The following SASS6 variants were observed in gnomAD, a reference collection of about 807,000 sequenced individuals.
SASS6 encodes spindle assembly abnormal protein 6 homolog.
SASS6 carries 59 observed loss-of-function variants against 94.9 expected under a neutral mutation model. The ratio of observed to expected loss-of-function variants is 0.62; its 90% CI spans 0.50 to 0.77. SASS6 has a LOEUF of 0.77. SASS6 is among the 30% of genes least tolerant of loss of function. The pLI, the probability that SASS6 is intolerant of heterozygous loss-of-function variation, is 0.00. For synonymous variants in SASS6, 264 were observed against 270.0 expected (o/e 0.98, Z 0.22); for missense variants, 698 against 734.1 (o/e 0.95, Z 0.57).
chr1:100,128,012 C>G (rs1654747843), intron 1 of SASS6, among the ~76,000 whole-genome samples: 1 of 151,776 alleles, frequency 6.6e-6, no homozygotes, highest in Admixed American at 6.6e-5. Flanking sequence ...TGGTGCTTTA[C>G]AGTTTATTTT....
chr1:100,120,495 A>G (rs757053881), intron 5 of SASS6, 36 bp from the exon 6 acceptor site: 1 of 937,128 alleles, frequency 1.1e-6, no homozygotes, highest in Admixed American at 1.7e-5. Context: ...ACAGTTTACA[A>G]TGTAATCATC....
intron 1 of SASS6, among the ~76,000 whole-genome samples, chr1:100,126,440 T>C (rs1028781964): frequency 6.6e-6 from 1 of 152,344 alleles, no homozygotes; most frequent in South Asian, 2.1e-4. Context: ...AATTACCATG[T>C]CATGTAATCA....
intron 2 of SASS6, among the ~76,000 whole-genome samples, chr1:100,124,670 T>C (rs1217997632): frequency 6.6e-6 from 1 of 152,226 alleles, no homozygotes; most frequent in Admixed American, 6.5e-5. Flanking sequence ...TGTGAGGCAC[T>C]GCCCTTGGCA....
intron 7 of SASS6, among the ~76,000 whole-genome samples, chr1:100,118,816 G>A (rs1653964663): frequency 6.6e-6 from 1 of 151,898 alleles, no homozygotes; most frequent in African/African-American, 2.4e-5. Context: ...CATATACGTA[G>A]AGAAAAGTCT....
At chr1:100,112,687 C>T (rs1380253820) in intron 7 of SASS6, among the ~76,000 whole-genome samples, 4 of 152,186 alleles carry the variant, frequency 2.6e-5, no homozygotes, top group African/African-American at 9.7e-5. Context: ...AGGCAGTTTA[C>T]CTGCCTCAGC....
At chr1:100,086,675 T>C (rs962827569) in intron 15 of SASS6, among the ~76,000 whole-genome samples, 1 of 135,750 alleles carries the variant, frequency 7.4e-6, no homozygotes, top group Admixed American at 7.2e-5. Context: ...CATGTCTGGC[T>C]TTTTTTTTGG....
At chr1:100,087,638 T>C (rs1651404370) in intron 15 of SASS6, among the ~76,000 whole-genome samples, 1 of 152,196 alleles carries the variant, frequency 6.6e-6, no homozygotes, top group African/African-American at 2.4e-5. Context: ...ATTTTTGTTA[T>C]CTATGGGAAA....
At chr1:100,128,567 T>TA (rs1654789588) in intron 1 of SASS6, among the ~76,000 whole-genome samples, 2 of 152,188 alleles carry the variant, frequency 1.3e-5, no homozygotes, top group African/African-American at 4.8e-5. Flanking sequence ...CATGCTTAGT[T>TA]AAAAAACATC....
At chr1:100,127,403 A>C (rs1252980878) in intron 1 of SASS6, among the ~76,000 whole-genome samples, 1 of 152,232 alleles carries the variant, frequency 6.6e-6, no homozygotes, top group Admixed American at 6.5e-5. Flanking sequence ...GGCTAGATTC[A>C]ATTGTTTAGA....
intron 5 of SASS6, among the ~76,000 whole-genome samples, 191 bp from the exon 6 acceptor site, chr1:100,120,650 T>C (rs1654122705): frequency 6.6e-6 from 1 of 152,236 alleles, no homozygotes; most frequent in Non-Finnish European, 1.5e-5. Flanking sequence ...ATCTATAGCA[T>C]TTGACTAGAA....
rs539053039 is a variant in SASS6, at chr1:100,088,310, A to T, written c.1675-74T>A. 160 of 748,990 alleles carry T rather than the reference A, an allele frequency of 2.1e-4. 1 individual carries two copies. The African/African-American group carries it at 2.5e-3, about 12-fold the overall frequency. The allele number at this position is 748,990 out of a possible 1,614,324, so 46.4% of individuals were successfully genotyped here. A position where few individuals can be genotyped will look rare whatever the true frequency, so the allele number is the denominator to read the frequency against. ...CAGTTTTGGGCAGAGGGGGGATTTTAAACAGAGCCTTGCTCTGTTGCTTAA... is the reference window on the plus strand; with the variant it reads ...CAGTTTTGGGCAGAGGGGGGATTTTTAACAGAGCCTTGCTCTGTTGCTTAA... On this transcript the variant is annotated intron_variant, in intron 14 of 16. Coordinates refer to ENST00000287482, the MANE Select transcript of SASS6 (RefSeq NM_194292.3).
At chr1:100,116,379 T>C (rs1653803034) in intron 7 of SASS6, among the ~76,000 whole-genome samples, 1 of 152,200 alleles carries the variant, frequency 6.6e-6, no homozygotes, top group African/African-American at 2.4e-5. Flanking sequence ...TAAATATGTA[T>C]ATGAAGAAGT....
intron 2 of SASS6, among the ~76,000 whole-genome samples, chr1:100,125,294 A>ATT (rs1654522784): frequency 1.3e-5 from 2 of 148,934 alleles, no homozygotes; most frequent in Admixed American, 6.7e-5. Flanking sequence ...TATATATGTT[A>ATT]TTATATATAT....
intron 15 of SASS6, 64 bp from the exon 16 acceptor site, chr1:100,085,694 A>C: frequency 1.0e-5 from 9 of 870,410 alleles, no homozygotes; most frequent in Non-Finnish European, 1.7e-5. Context: ...GGTTTATCTC[A>C]TATGTATACA....
chr1:100,093,863 C>A (rs1474169010), intron 14 of SASS6, among the ~76,000 whole-genome samples: 2 of 152,002 alleles, frequency 1.3e-5, no homozygotes, highest in Non-Finnish European at 2.9e-5. Flanking sequence ...GACTGAACAA[C>A]ATGTATAGCA....
At chr1:100,092,007 C>CAAAAA (rs34503110) in intron 14 of SASS6, among the ~76,000 whole-genome samples, 5 of 50,020 alleles carry the variant, frequency 1.0e-4, no homozygotes, top group East Asian at 1.3e-3. Flanking sequence ...GACCCTGTCT[C>CAAAAA]AAAAAAAAAA....
In SASS6 at chr1:100,084,894, T is replaced by C. The variant is rs1557876036; in HGVS notation, c.*434A>G. The C allele has an allele frequency of 6.5e-6, 1 of 154,210 alleles. No individual in the cohort carries two copies. The highest frequency in any genetic ancestry group is 1.4e-5 in the Non-Finnish European group (1 of 69,352). The allele number at this position is 154,210 out of a possible 1,614,324, so 9.6% of individuals were successfully genotyped here. A position where few individuals can be genotyped will look rare whatever the true frequency, so the allele number is the denominator to read the frequency against. ...AGGTAATCATTTTCCCTCATGATTT[T>C]CAGGTGTTGAATTTAAAAGTTTTAC... On this transcript the variant is annotated 3_prime_UTR_variant, in exon 17 of 17. Coordinates refer to ENST00000287482, the MANE Select transcript of SASS6 (RefSeq NM_194292.3).
chr1:100,121,946 T>C (rs1214205583), intron 4 of SASS6, among the ~76,000 whole-genome samples: 34 of 152,184 alleles, frequency 2.2e-4, no homozygotes, highest in Admixed American at 2.2e-3. Flanking sequence ...ATACTTAATA[T>C]AGAAAAAATT....
At chr1:100,113,074 G>T (rs1653470551) in intron 7 of SASS6, among the ~76,000 whole-genome samples, 1 of 152,144 alleles carries the variant, frequency 6.6e-6, no homozygotes, top group Admixed American at 6.5e-5. Context: ...CCCTTATGAA[G>T]AAACTTTCAG....
Sources: gnomAD v4.1 joint callset for allele counts (sites outside exome capture counted in the v4.1 genomes callset) on GRCh38, gnomAD v4.1.1 for gene constraint, MANE v1.5 for transcripts, NCBI Gene and HGNC (gene_info 2026-07-23, HGNC 2026-07-21) for gene names.